The following FSTL4 variants were observed in gnomAD, a reference collection of about 807,000 sequenced individuals.
FSTL4 encodes follistatin like 4.
In FSTL4, 28 loss-of-function variants were observed where a neutral mutation model predicts 78.2. The observed-to-expected ratio is 0.36, with a 90% CI of 0.27 to 0.49. The LOEUF (loss-of-function observed/expected upper bound fraction) is 0.49, where lower values mean the gene tolerates loss of function less well. FSTL4 is among the 20% of genes least tolerant of loss of function. FSTL4 has a pLI of 0.98. For synonymous variants in FSTL4, 422 were observed against 440.5 expected (o/e 0.96, Z 0.53); for missense variants, 922 against 1,084.9 (o/e 0.85, Z 2.11).
the FSTL4 span, among the ~76,000 whole-genome samples, chr5:133,824,029 C>G: frequency 5.3e-5 from 8 of 152,204 alleles, no homozygotes; most frequent in Non-Finnish European, 1.2e-4. Context: ...GTGTTTTTCC[C>G]TCTACCCCCA....
At chr5:133,602,896 T>C (rs115799987) in intron 2 of FSTL4, among the ~76,000 whole-genome samples, 1,774 of 152,340 alleles carry the variant, frequency 0.012, 33 homozygotes, top group African/African-American at 0.04. Context: ...GCATTAATCC[T>C]ACCCTACACT....
chr5:133,243,477 A>AC (rs1751940804), intron 7 of FSTL4, among the ~76,000 whole-genome samples: 1 of 152,196 alleles, frequency 6.6e-6, no homozygotes, highest in Non-Finnish European at 1.5e-5. Context: ...ACACACAGGG[A>AC]CCCATATCCA....
chr5:133,432,678 A>T (rs1233308370), intron 3 of FSTL4, among the ~76,000 whole-genome samples: 1 of 152,232 alleles, frequency 6.6e-6, no homozygotes, highest in Middle Eastern at 3.2e-3. Context: ...AATAGGCAGA[A>T]ATCTGCTCCT....
chr5:133,563,937 A>G (rs1005359852), intron 3 of FSTL4, among the ~76,000 whole-genome samples: 1 of 152,202 alleles, frequency 6.6e-6, no homozygotes, highest in African/African-American at 2.4e-5. Context: ...GGGCCACCAT[A>G]ATAAACCACA....
At chr5:133,681,329 C>T in the FSTL4 span, among the ~76,000 whole-genome samples, 11 of 152,228 alleles carry the variant, frequency 7.2e-5, no homozygotes, top group East Asian at 1.9e-4. Flanking sequence ...CTCTGCCACA[C>T]GGGCATATGC....
intron 7 of FSTL4, among the ~76,000 whole-genome samples, chr5:133,238,994 G>A (rs1751746890): frequency 6.6e-6 from 1 of 152,216 alleles, no homozygotes; most frequent in African/African-American, 2.4e-5. Context: ...GTGTGGAGAG[G>A]CGCGGGCGGG....
chr5:133,533,816 A>G (rs1391765750), intron 3 of FSTL4, among the ~76,000 whole-genome samples: 1 of 152,058 alleles, frequency 6.6e-6, no homozygotes, highest in East Asian at 1.9e-4. Flanking sequence ...AGTGCCCCTG[A>G]GGAGTCTTCA....
chr5:133,703,292 G>A, the FSTL4 span, among the ~76,000 whole-genome samples: 6 of 152,116 alleles, frequency 3.9e-5, no homozygotes, highest in Non-Finnish European at 5.9e-5. Context: ...TACTACATCC[G>A]TTACCATTCC....
At chr5:133,366,628 G>A (rs949590296) in intron 4 of FSTL4, among the ~76,000 whole-genome samples, 2 of 151,974 alleles carry the variant, frequency 1.3e-5, no homozygotes, top group South Asian at 4.2e-4. Flanking sequence ...TCTTCTTGGA[G>A]GAAACCCTCT....
intron 3 of FSTL4, among the ~76,000 whole-genome samples, chr5:133,533,292 G>A (rs940596373): frequency 6.6e-6 from 1 of 152,152 alleles, no homozygotes; most frequent in African/African-American, 2.4e-5. Context: ...TGTCCGGGCT[G>A]GAGTAAAGTG....
intron 5 of FSTL4, among the ~76,000 whole-genome samples, chr5:133,313,841 T>G (rs1268199051): frequency 6.6e-6 from 1 of 152,172 alleles, no homozygotes; most frequent in East Asian, 1.9e-4. Context: ...CATTGGAAAT[T>G]GATTAACTTT....
chr5:133,599,315 GTA>G (rs1177119042), intron 2 of FSTL4, among the ~76,000 whole-genome samples: 1 of 152,148 alleles, frequency 6.6e-6, no homozygotes, highest in South Asian at 2.1e-4. Flanking sequence ...ATCAACACTT[GTA>G]GCAAGGGGAA....
the FSTL4 span, among the ~76,000 whole-genome samples, chr5:133,644,507 A>G: frequency 6.6e-6 from 1 of 151,994 alleles, no homozygotes; most frequent in Non-Finnish European, 1.5e-5. Context: ...CCCCAGAGTG[A>G]CAACAGTAGT....
the FSTL4 span, among the ~76,000 whole-genome samples, chr5:133,780,502 T>C: frequency 3.3e-5 from 5 of 151,974 alleles, no homozygotes; most frequent in African/African-American, 7.2e-5. Context: ...CTGTGTATTG[T>C]TGGGGTCTCC....
chr5:133,603,860 C>A lies in FSTL4; in HGVS notation c.124G>T (p.Glu42Ter). 1 of 1,614,144 alleles carries A rather than the reference C, an allele frequency of 6.2e-7. No individual in the cohort carries two copies. The highest frequency in any genetic ancestry group is 8.5e-7 in the Non-Finnish European group (1 of 1,179,982). Residue 42 changes from glutamate (E) to a stop codon, truncating the protein, a stop_gained and splice_region_variant, in exon 2 of 16, where the codon GAG (glutamate) becomes TAG (stop). Transcript: ENST00000265342. LOFTEE classifies it high-confidence loss of function. ...PDVGVGESQA[E>*]EPRSFEVTRR... is the part of the protein sequence containing the mutation. ...TGTCCGCAGGGATTTGACTATACCT[C>A]TGCCTGTGACTCCCCCACACCCACA... is the stretch of plus-strand genomic sequence containing the variant.
In FSTL4 at chr5:133,249,410, A is replaced by G. The variant is rs1489150724; in HGVS notation, c.894T>C (p.Asn298=). 1 of 1,613,372 alleles carries G rather than the reference A, an allele frequency of 6.2e-7. No homozygotes were observed. The highest frequency in any genetic ancestry group is 1.7e-5 in the Admixed American group (1 of 60,018). ...TLNFLDLEDI[N]DFGEDDSLYI... is the part of the protein sequence containing the mutation. ...TCAGAGTGAATTCCAGGTGACTTACATTGATGTCTTCCAAGTCCAGGAAGT... is the reference window on the plus strand; with the variant it reads ...TCAGAGTGAATTCCAGGTGACTTACGTTGATGTCTTCCAAGTCCAGGAAGT... The change falls in exon 7 of 16, where the codon AAT becomes AAC. Residue 298 remains asparagine, a splice_region_variant and synonymous_variant. Transcript: ENST00000265342.
intron 3 of FSTL4, among the ~76,000 whole-genome samples, chr5:133,463,857 A>G (rs550515576): frequency 6.6e-6 from 1 of 152,236 alleles, no homozygotes; most frequent in African/African-American, 2.4e-5. Context: ...GGCAGGCTGG[A>G]GAATAGGAAG....
At chr5:133,375,767 T>C (rs1413783315) in intron 4 of FSTL4, among the ~76,000 whole-genome samples, 1 of 152,218 alleles carries the variant, frequency 6.6e-6, no homozygotes, top group Non-Finnish European at 1.5e-5. Context: ...GGATCAGTAA[T>C]AGCCTCTAAA....
the FSTL4 span, among the ~76,000 whole-genome samples, chr5:133,721,641 A>G: frequency 4.1e-3 from 623 of 152,306 alleles, 1 homozygote; most frequent in South Asian, 8.1e-3. Flanking sequence ...GCTAAGAAAT[A>G]TACTGATAGT....
Sources: gnomAD v4.1 joint callset for allele counts (sites outside exome capture counted in the v4.1 genomes callset) on GRCh38, gnomAD v4.1.1 for gene constraint, MANE v1.5 for transcripts, NCBI Gene and HGNC (gene_info 2026-07-23, HGNC 2026-07-21) for gene names.